Variants in RAPGEF1 observed in about 807,000 individuals in gnomAD.
The protein encoded by RAPGEF1 is CRK SH3-binding GNRP.
RAPGEF1 carries 33 observed loss-of-function variants against 143.3 expected under a neutral mutation model. The ratio of observed to expected loss-of-function variants is 0.23; its 90% CI spans 0.17 to 0.31. The LOEUF is 0.31. Among genes scored for constraint, RAPGEF1 ranks in the 10% least tolerant of loss-of-function variants. The pLI, the probability that RAPGEF1 is intolerant of heterozygous loss-of-function variation, is 1.00. For synonymous variants in RAPGEF1, 629 were observed against 676.5 expected (o/e 0.93, Z 1.09); for missense variants, 1,199 against 1,645.4 (o/e 0.73, Z 4.69).
At chr9:131,696,498 T>C (rs1442557841) in intron 1 of RAPGEF1, among the ~76,000 whole-genome samples, 1 of 152,254 alleles carries the variant, frequency 6.6e-6, no homozygotes, top group Non-Finnish European at 1.5e-5. Flanking sequence ...CACTGTACTT[T>C]ACAGATGATT....
At chr9:131,703,152 G>A (rs534926487) in intron 1 of RAPGEF1, among the ~76,000 whole-genome samples, 14 of 152,090 alleles carry the variant, frequency 9.2e-5, no homozygotes, top group Non-Finnish European at 1.2e-4. Context: ...GTGCCACCAC[G>A]CCCAGTTAAT....
At chr9:131,654,417 G>GA (rs763218729) in intron 1 of RAPGEF1, among the ~76,000 whole-genome samples, 1 of 152,208 alleles carries the variant, frequency 6.6e-6, no homozygotes. Flanking sequence ...CTCCTCACAA[G>GA]AATGCAAGTA....
chr9:131,605,824 A>G lies in RAPGEF1; in HGVS notation c.2062-636T>C, dbSNP rs527448489. 1.9e-4 allele frequency among the ~76,000 whole-genome samples: 29 copies of G among 150,220 alleles called. No individual in the cohort carries two copies. The South Asian group carries it at 5.2e-3, about 27-fold the overall frequency. On this transcript the variant is annotated intron_variant, in intron 12 of 26. Transcript: ENST00000683357. ...CATGGTGGCTCACACCTGCAGTCTC[A>G]GCTCTTTGGGAGGCCAAGGCAGGTG... is the stretch of plus-strand genomic sequence containing the variant.
chr9:131,643,168 G>A, intron 4 of RAPGEF1, 71 bp downstream of exon 4: 6 of 1,483,798 alleles, frequency 4.0e-6, no homozygotes, highest in African/African-American at 2.8e-5. Flanking sequence ...TGAGTTTCCA[G>A]TGCCACCAAA....
At chr9:131,708,741 C>CTTTCT (rs34559435) in intron 1 of RAPGEF1, among the ~76,000 whole-genome samples, 38 of 150,154 alleles carry the variant, frequency 2.5e-4, no homozygotes, top group South Asian at 8.5e-4. Context: ...TTCTTTCTTT[C>CTTTCT]TTTTTTTTTT....
At chr9:131,686,463 G>A (rs1484160484) in intron 1 of RAPGEF1, among the ~76,000 whole-genome samples, 1 of 152,154 alleles carries the variant, frequency 6.6e-6, no homozygotes, top group Non-Finnish European at 1.5e-5. Context: ...CCCCCCACCT[G>A]TATGGAATGC....
At chr9:131,587,673 G>T in intron 22 of RAPGEF1, 63 bp downstream of exon 22, 1 of 1,472,776 alleles carries the variant, frequency 6.8e-7, no homozygotes, top group Non-Finnish European at 9.4e-7. Flanking sequence ...AAAGGAAAAC[G>T]CAGAGCCCAC....
At chr9:131,647,891 G>C (rs921592699) in intron 3 of RAPGEF1, among the ~76,000 whole-genome samples, 1 of 152,188 alleles carries the variant, frequency 6.6e-6, no homozygotes, top group Non-Finnish European at 1.5e-5. Flanking sequence ...GTGGGGGGCT[G>C]TCCTGTGTAT....
intron 1 of RAPGEF1, among the ~76,000 whole-genome samples, chr9:131,731,781 T>C (rs1837091380): frequency 6.6e-6 from 1 of 152,168 alleles, no homozygotes; most frequent in Non-Finnish European, 1.5e-5. Context: ...CAAAACTTAA[T>C]ATGCAGTAAA....
chr9:131,643,882 G>A (rs1002891276), intron 3 of RAPGEF1, among the ~76,000 whole-genome samples: 2 of 152,172 alleles, frequency 1.3e-5, no homozygotes, highest in Admixed American at 6.5e-5. Context: ...TCCAGGGCAT[G>A]AGGGGCTGAA....
intron 10 of RAPGEF1, 93 bp from the exon 11 acceptor site, chr9:131,622,091 TC>T: frequency 3.2e-6 from 4 of 1,257,962 alleles, no homozygotes; most frequent in African/African-American, 1.5e-5. Context: ...TAGGGGGCTT[TC>T]CACTGAAAGC....
At chr9:131,677,150 C>T (rs1441995052) in intron 1 of RAPGEF1, among the ~76,000 whole-genome samples, 1 of 152,252 alleles carries the variant, frequency 6.6e-6, no homozygotes, top group Non-Finnish European at 1.5e-5. Flanking sequence ...GGGGAACTTA[C>T]ACGTCTGCTT....
In RAPGEF1 at chr9:131,584,408, A is replaced by G. The variant is rs776078057; in HGVS notation, c.3317T>C (p.Leu1106Ser). 1 of 1,613,810 alleles carries G rather than the reference A, an allele frequency of 6.2e-7. No homozygotes were observed. The highest frequency in any genetic ancestry group is 8.5e-7 in the Non-Finnish European group (1 of 1,179,820). ...GGAGTTGAAGTTATTCAGCTTCCGC[A>G]AGTGCTGCCGAGAGAGGGGCGGTGC... ...LLKFIKIMKH[L>S]RKLNNFNSYL... The change falls in exon 24 of 27, where the codon TTG becomes TCG. Residue 1106 changes from leucine to serine, a missense_variant. Leu to Ser is a moderately radical substitution (Grantham distance 145). Coordinates refer to ENST00000683357, the MANE Select transcript of RAPGEF1 (RefSeq NM_001377935.1). The surrounding 1 kb of genome is among the most constrained non-coding windows in gnomAD (Gnocchi z 6.8).
At chr9:131,715,849 G>A (rs1329886593) in intron 1 of RAPGEF1, among the ~76,000 whole-genome samples, 2 of 142,184 alleles carry the variant, frequency 1.4e-5, no homozygotes, top group African/African-American at 5.3e-5. Context: ...TGGTGACAGA[G>A]CGAGACTCCC....
intron 1 of RAPGEF1, among the ~76,000 whole-genome samples, chr9:131,665,684 G>GGTAA (rs1273525348): frequency 6.6e-6 from 1 of 152,072 alleles, no homozygotes; most frequent in East Asian, 1.9e-4. Flanking sequence ...AGCCCTCCAT[G>GGTAA]GTAAGCCTGT....
intron 1 of RAPGEF1, chr9:131,737,349 A>G (rs754302220): frequency 8.7e-6 from 14 of 1,613,150 alleles, no homozygotes; most frequent in Non-Finnish European, 1.2e-5. Context: ...CCTAGCACAA[A>G]CACTGTCCCC....
chr9:131,626,327 C>T lies in RAPGEF1; in HGVS notation c.1297G>A (p.Glu433Lys). The change falls in exon 10 of 27, where the codon GAG (glutamate) becomes AAG (lysine). Residue 433 changes from glutamate to lysine, a missense_variant. Physicochemically the swap from Glu to Lys is moderately conservative, Grantham distance 56. Around this residue, in one of 6 missense-constraint regions of RAPGEF1, gnomAD observed 613 missense variants for 710.9 expected, o/e 0.86. Coordinates refer to ENST00000683357, the MANE Select transcript of RAPGEF1 (RefSeq NM_001377935.1). ...QTAWNLSPLPESLGESGSPFL... is the reference protein window; with the variant it reads ...QTAWNLSPLPKSLGESGSPFL... ...GGAGACCCAGACTCCCCCAAAGACT[C>T]TGGCAACGGGCTAAGGTTCCAGGCC... 2 of 1,614,042 alleles carry T rather than the reference C, an allele frequency of 1.2e-6. No individual in the cohort carries two copies. Among genetic ancestry groups the T allele is most frequent in the Non-Finnish European group, 1.7e-6 (2 of 1,179,906 alleles).
Position 131,583,245 on chromosome 9 carries a change from C to T in RAPGEF1, c.3415-543G>A, listed in dbSNP as rs1453155412. 1.3e-5 allele frequency among the ~76,000 whole-genome samples: 2 copies of T among 152,190 alleles called. No homozygotes were observed. The highest frequency in any genetic ancestry group is 4.8e-5 in the African/African-American group (2 of 41,444). On this transcript the variant is annotated intron_variant, in intron 24 of 26. Coordinates refer to ENST00000683357, the MANE Select transcript of RAPGEF1 (RefSeq NM_001377935.1). The surrounding 1 kb of genome is among the most constrained non-coding windows in gnomAD (Gnocchi z 4.7). ...CCAGCCCTGCCCCACTCAGAAGGCC[C>T]CTCTCCTGCCTCTTCTCCTGTTACG...
intron 1 of RAPGEF1, 57 bp from the exon 2 acceptor site, chr9:131,651,006 T>C (rs1970945221): frequency 1.3e-6 from 2 of 1,569,208 alleles, no homozygotes; most frequent in South Asian, 1.2e-5. Flanking sequence ...CGATGGTTCA[T>C]TGACCTTTTG....
Sources: allele counts gnomAD v4.1 joint callset (sites outside exome capture counted in the v4.1 genomes callset), GRCh38; gene constraint gnomAD v4.1.1; regional missense constraint gnomAD v4.1.1; non-coding constraint Gnocchi (gnomAD v3.1); transcripts MANE v1.5; gene names NCBI Gene and HGNC (gene_info 2026-07-23, HGNC 2026-07-21).